PVR: variants seen among roughly 807,000 people sequenced by gnomAD.
PVR encodes the protein poliovirus receptor.
PVR carries 39 observed loss-of-function variants against 43.3 expected under a neutral mutation model. The observed-to-expected ratio is 0.90, with a 90% confidence interval of 0.70 to 1.18. The LOEUF is 1.18. Ranked by LOEUF, PVR falls within the 50% of genes most tolerant of loss-of-function variation. The pLI is 0.00. For synonymous variants in PVR, 224 were observed against 233.2 expected, an observed-to-expected ratio of 0.96 and a Z score of 0.36; for missense variants, 480 against 549.7, an observed-to-expected ratio of 0.87 and a Z score of 1.27.
At position 44,664,741 on chromosome 19, in the gene PVR, A is replaced by G. The variant is rs1470523102; in HGVS notation, c.*2930A>G. The G allele has an allele frequency of 6.6e-6, 1 of 150,396 alleles. No homozygotes were observed. Among genetic ancestry groups the G allele is most frequent in the African/African-American group, 2.5e-5 (1 of 40,786 alleles). 9.3% of individuals were successfully genotyped at this position (150,396 alleles called of 1,614,324 possible). On this transcript the variant is annotated 3_prime_UTR_variant, in exon 8 of 8. Coordinates refer to ENST00000425690, the MANE Select transcript of PVR (RefSeq NM_006505.5). ...TTTTTTTTTTATTTTAGAGAAAGGA[A>G]TCTTGCCATCTTGCCCAGGCTGGTC...
In PVR at chr19:44,649,247, A is replaced by G. The variant is rs143775488; in HGVS notation, c.428-562A>G. Among the ~76,000 whole-genome samples the G allele has an allele frequency of 6.7e-3, 1,013 of 152,208 alleles. 9 individuals are homozygous for G. Among genetic ancestry groups the G allele is most frequent in the African/African-American group, 0.023 (945 of 41,534 alleles). ...CTGCTGGGCTCCAGCACTTTCCACCAAACAATATTTATTGAGCGCTTATTA... is the reference window on the plus strand; with the variant it reads ...CTGCTGGGCTCCAGCACTTTCCACCGAACAATATTTATTGAGCGCTTATTA... On this transcript the variant is annotated intron_variant, in intron 2 of 7. Coordinates refer to ENST00000425690, the MANE Select transcript of PVR (RefSeq NM_006505.5).
intron 3 of PVR, among the ~76,000 whole-genome samples, chr19:44,651,371 T>G (rs898548667): frequency 6.6e-6 from 1 of 152,164 alleles, no homozygotes. Context: ...TCCTAGGCAC[T>G]CTCTAAAGTG....
At chr19:44,655,076 C>T (rs547163259) in intron 4 of PVR, among the ~76,000 whole-genome samples, 1 of 152,248 alleles carries the variant, frequency 6.6e-6, no homozygotes, top group East Asian at 1.9e-4. Flanking sequence ...ACATAAATTA[C>T]ATAATTTTAC....
intron 1 of PVR, among the ~76,000 whole-genome samples, chr19:44,645,120 T>C (rs1179906887): frequency 2.5e-5 from 2 of 79,760 alleles, no homozygotes; most frequent in Admixed American, 2.0e-4. Flanking sequence ...TAATATATAA[T>C]ATATTATAAT....
At chr19:44,660,680 G>A (rs118049609) in intron 6 of PVR, among the ~76,000 whole-genome samples, 2 of 151,854 alleles carry the variant, frequency 1.3e-5, no homozygotes, top group Non-Finnish European at 1.5e-5. Flanking sequence ...GCACTCCCAC[G>A]CCTGGCTAAT....
chr19:44,647,077 T>TCCCCCCCCCCCCCCCCCCCCCCCCCCCCC, intron 1 of PVR, 146 bp from the exon 2 acceptor site: 1 of 311,374 alleles, frequency 3.2e-6, no homozygotes, highest in South Asian at 5.9e-5. Context: ...GTGCCCCAGT[T>TCCCCCCCCCCCCCCCCCCCCCCCCCCCCC]CCCCCTCCCC....
At chr19:44,654,823 T>C (rs918648169) in intron 4 of PVR, among the ~76,000 whole-genome samples, 1 of 152,146 alleles carries the variant, frequency 6.6e-6, no homozygotes, top group Admixed American at 6.5e-5. Flanking sequence ...CTTCTTCCAA[T>C]GTGGCCCGGG....
intron 3 of PVR, among the ~76,000 whole-genome samples, chr19:44,650,931 C>T (rs1052104163): frequency 2.0e-5 from 3 of 151,948 alleles, no homozygotes; most frequent in East Asian, 1.9e-4. Flanking sequence ...AGTGTAGGGG[C>T]ATGATCATGG....
In PVR at chr19:44,644,205, C is replaced by A. The variant is rs774208225; in HGVS notation, c.79+30C>A. 4 of 1,457,684 alleles carry A rather than the reference C, an allele frequency of 2.7e-6. No homozygotes were observed. In the African/African-American group the frequency reaches 5.9e-5, roughly 22 times the overall value. The allele number at this position is 1,457,684 out of a possible 1,614,324, so 90.3% of individuals were successfully genotyped here. A position where few individuals can be genotyped will look rare whatever the true frequency, so the allele number is the denominator to read the frequency against. ...GTGACCCCCGCGCAGTCCGGTGGCC[C>A]CTGTCTGGCTCCCAGCTCCGCATCC... is the stretch of plus-strand genomic sequence containing the variant. On this transcript the variant is annotated intron_variant, in intron 1 of 7. Transcript: ENST00000425690.
At position 44,643,956 on chromosome 19, in the gene PVR, C is replaced by T; in HGVS notation, c.-141C>T. The T allele has an allele frequency of 1.6e-6, 1 of 613,558 alleles. No individual in the cohort carries two copies. The allele number at this position is 613,558 out of a possible 1,614,324, so 38.0% of individuals were successfully genotyped here. On this transcript the variant is annotated 5_prime_UTR_variant, in exon 1 of 8. Transcript: ENST00000425690. ...AGAAGTGGGTATTCCCCTTCCCACC[C>T]CAGGCACTGGAGGAGCGGCCCCCCG...
At chr19:44,647,083 T>TCCCCCCCCCCCC in intron 1 of PVR, 140 bp from the exon 2 acceptor site, 1 of 30,342 alleles carries the variant, frequency 3.3e-5, no homozygotes, top group Non-Finnish European at 6.2e-5. Context: ...CAGTTCCCCC[T>TCCCCCCCCCCCC]CCCCCCACAC....
At chr19:44,644,354 C>G (rs980243261) in intron 1 of PVR, among the ~76,000 whole-genome samples, 179 bp downstream of exon 1, 3 of 152,198 alleles carry the variant, frequency 2.0e-5, no homozygotes, top group Non-Finnish European at 4.4e-5. Flanking sequence ...GGACCCTCCT[C>G]TTGGCCACCC....
chr19:44,647,704 A>C, intron 2 of PVR, 134 bp downstream of exon 2: 1 of 70,038 alleles, frequency 1.4e-5, no homozygotes, highest in Admixed American at 2.4e-4. Context: ...GGACAAAAGG[A>C]GGGGGCAGCG....
chr19:44,659,065 A>C (rs1350682958), intron 6 of PVR, 165 bp downstream of exon 6: 1 of 601,926 alleles, frequency 1.7e-6, no homozygotes, highest in African/African-American at 1.9e-5. Flanking sequence ...TTCATTGATT[A>C]CATTTACAAA....
In PVR at chr19:44,645,733, G is replaced by C. The variant is rs188394115; in HGVS notation, c.80-1490G>C. ...CCCAACACTTTGGGAGGCTGTGGTG[G>C]GAGGATCACTTGAGCTTAGGAATTC... is the stretch of plus-strand genomic sequence containing the variant. On this transcript the variant is annotated intron_variant, in intron 1 of 7. Coordinates refer to ENST00000425690, the MANE Select transcript of PVR (RefSeq NM_006505.5). Among the ~76,000 whole-genome samples the C allele has an allele frequency of 2.1e-3, 316 of 151,772 alleles. 1 individual carries two copies. Among genetic ancestry groups the C allele is most frequent in the African/African-American group, 7.4e-3 (306 of 41,342 alleles).
At chr19:44,654,980 TCC>T (rs1441787888) in intron 4 of PVR, among the ~76,000 whole-genome samples, 2 of 152,098 alleles carry the variant, frequency 1.3e-5, no homozygotes, top group African/African-American at 4.8e-5. Context: ...CAATAAGATT[TCC>T]CCAGATTCAC....
chr19:44,653,649 T>C, intron 3 of PVR: 1 of 427,980 alleles, frequency 2.3e-6, no homozygotes, highest in East Asian at 3.6e-5. Flanking sequence ...ACATGCCTGG[T>C]CCAGGCTACC....
At chr19:44,646,175 C>T (rs1207001443) in intron 1 of PVR, among the ~76,000 whole-genome samples, 1 of 152,148 alleles carries the variant, frequency 6.6e-6, no homozygotes, top group Non-Finnish European at 1.5e-5. Flanking sequence ...TGTTCTAAGT[C>T]TCATTTTACA....
intron 1 of PVR, among the ~76,000 whole-genome samples, chr19:44,646,960 T>G (rs562162407): frequency 1.3e-5 from 2 of 152,104 alleles, no homozygotes; most frequent in South Asian, 4.1e-4. Flanking sequence ...GGAAATACGG[T>G]AATAATAGAA....
Sources: allele counts gnomAD v4.1 joint callset (sites outside exome capture counted in the v4.1 genomes callset), GRCh38; gene constraint gnomAD v4.1.1; transcripts MANE v1.5; gene names NCBI Gene and HGNC (gene_info 2026-07-23, HGNC 2026-07-21).